Variants in SMG5 observed in about 807,000 individuals in gnomAD.
SMG5 encodes the protein SMG5 nonsense mediated mRNA decay factor.
SMG5 carries 53 observed loss-of-function variants against 122.9 expected under a neutral mutation model. That is an observed-to-expected ratio of 0.43 (90% CI 0.35 to 0.54). The LOEUF is 0.54. SMG5 is among the 20% of genes least tolerant of loss of function. The pLI, the probability that SMG5 is intolerant of heterozygous loss-of-function variation, is 0.01. For synonymous variants in SMG5, 477 were observed against 490.2 expected, an observed-to-expected ratio of 0.97 and a Z score of 0.35; for missense variants, 1,153 against 1,285.6, an observed-to-expected ratio of 0.90 and a Z score of 1.58.
At chr1:156,278,172 T>C in intron 2 of SMG5, 124 bp from the exon 3 acceptor site, 9 of 1,277,970 alleles carry the variant, frequency 7.0e-6, no homozygotes, top group Non-Finnish European at 9.6e-6. Flanking sequence ...CCAAGAGACA[T>C]GCAGGGTCAA....
intron 9 of SMG5, 29 bp downstream of exon 9, chr1:156,268,086 A>C: frequency 6.2e-7 from 1 of 1,610,538 alleles, no homozygotes; most frequent in African/African-American, 1.3e-5. Context: ...CTCACAGGAT[A>C]GTTCAGGTTC....
rs1166588286 is a variant in SMG5 at position 156,266,095 on chromosome 1, G to A, written c.1541C>T (p.Ser514Leu). 5 of 1,614,124 alleles carry A rather than the reference G, an allele frequency of 3.1e-6. No individual in the cohort carries two copies. The highest frequency in any genetic ancestry group is 2.2e-5 in the East Asian group (1 of 44,882). Reference protein sequence around the residue: ...GGTAFDAETDSEMNSQESRSD... With the variant: ...GGTAFDAETDLEMNSQESRSD... ...TCGGGACTCCTGGCTATTCATTTCC[G>A]AGTCTGTTTCAGCATCAAAGGCCGT... Residue 514 changes from serine (S) to leucine (L), a missense_variant, in exon 12 of 22, where the codon TCG (serine) becomes TTG (leucine). By Grantham distance (145) the Ser-to-Leu change is moderately radical. Transcript: ENST00000361813.
At position 156,266,320 on chromosome 1, in the gene SMG5, G is replaced by A. The variant is rs575799058; in HGVS notation, c.1316C>T (p.Pro439Leu). 7.8e-5 allele frequency: 126 copies of A among 1,614,206 alleles called. 1 individual carries two copies. The South Asian group carries it at 1.3e-3, about 17-fold the overall frequency. Residue 439 changes from proline (P) to leucine (L), a missense_variant, in exon 12 of 22, where the codon CCT (proline) becomes CTT (leucine). Pro to Leu is a moderately conservative substitution (Grantham distance 98). This residue lies in a region of SMG5 where 631 missense variants were observed against 650.6 expected (regional missense o/e 0.97). Coordinates refer to ENST00000361813, the MANE Select transcript of SMG5 (RefSeq NM_015327.3). ...KEEEPDPEPPPVTPQVGEGRK... is the reference protein window; with the variant it reads ...KEEEPDPEPPLVTPQVGEGRK... ...GCCCTCACCCACTTGGGGTGTTACA[G>A]GAGGAGGCTCAGGATCTGGCTCCTC...
chr1:156,278,829 T>A, intron 2 of SMG5, 107 bp downstream of exon 2: 2 of 866,800 alleles, frequency 2.3e-6, no homozygotes, highest in Non-Finnish European at 3.8e-6. Context: ...TAAGGTACCA[T>A]GAGGTCAGGA....
Position 156,282,798 on chromosome 1 carries a change from C to T in SMG5, c.-118G>A, listed in dbSNP as rs1290166709. On this transcript the variant is annotated 5_prime_UTR_variant, in exon 1 of 22. Coordinates refer to ENST00000361813, the MANE Select transcript of SMG5 (RefSeq NM_015327.3). ...CGCCGCCACCGGCCCTGCTCGGCCG[C>T]CATCGCTGTGAGGCGGCTGCCCGCG... The T allele has an allele frequency of 1.8e-5, 21 of 1,163,882 alleles. No individual in the cohort carries two copies. Among genetic ancestry groups the T allele is most frequent in the Non-Finnish European group, 2.5e-5 (21 of 854,174 alleles). 72.1% of individuals were successfully genotyped at this position (1,163,882 alleles called of 1,614,324 possible). A position where few individuals can be genotyped will look rare whatever the true frequency, so the allele number is the denominator to read the frequency against.
At chr1:156,253,299 G>C (rs1661434971) in intron 17 of SMG5, 150 bp downstream of exon 17, 2 of 911,328 alleles carry the variant, frequency 2.2e-6, no homozygotes, top group Admixed American at 2.1e-5. Flanking sequence ...TGAGTGAAGA[G>C]TGAGTAGTAA....
At chr1:156,251,158 G>T in intron 20 of SMG5, 162 bp from the exon 21 acceptor site, 1 of 1,008,654 alleles carries the variant, frequency 9.9e-7, no homozygotes, top group Non-Finnish European at 1.5e-6. Flanking sequence ...GCAGGCAAAG[G>T]TGCATTGAGG....
At chr1:156,272,777 C>T (rs990802692) in intron 6 of SMG5, among the ~76,000 whole-genome samples, 4 of 151,994 alleles carry the variant, frequency 2.6e-5, no homozygotes, top group Admixed American at 1.3e-4. Flanking sequence ...GAGGTTTCAC[C>T]GTGGTCTCAA....
chr1:156,291,508 G>A, the SMG5 span: 2 of 1,611,308 alleles, frequency 1.2e-6, no homozygotes, highest in Non-Finnish European at 1.7e-6. Context: ...TGGTGGAGCC[G>A]GAGCGCATGC....
At chr1:156,288,741 A>T in the SMG5 span, among the ~76,000 whole-genome samples, 279 of 152,350 alleles carry the variant, frequency 1.8e-3, 5 homozygotes, top group Middle Eastern at 6.8e-3. Context: ...ATTGTGGTCC[A>T]GCAGTCAGTT....
rs143598562 is a variant in SMG5, at chr1:156,272,844, G to A, written c.635-446C>T. Among the ~76,000 whole-genome samples the A allele has an allele frequency of 5.3e-4, 80 of 152,042 alleles. 1 individual carries two copies. The East Asian group carries it at 0.016, about 29-fold the overall frequency. ...CTCCCAAAGTGCTGGGATTACAAACGTTGAGCCACCGCGCCCGGCCTACTG... is the reference window on the plus strand; with the variant it reads ...CTCCCAAAGTGCTGGGATTACAAACATTGAGCCACCGCGCCCGGCCTACTG... On this transcript the variant is annotated intron_variant, in intron 6 of 21. Coordinates refer to ENST00000361813, the MANE Select transcript of SMG5 (RefSeq NM_015327.3).
At position 156,260,481 on chromosome 1, in the gene SMG5, C is replaced by T. The variant is rs35831149; in HGVS notation, c.2253G>A (p.Thr751=). ...CTAAGGTGCTGAGCAGGGGCCGATC[C>T]GTGTCAAAGTTAAAGCGTCTGTGGG... The part of the protein sequence containing the change: ...RAAHRRFNFD[T]DRPLLSTLEE... Residue 751 remains threonine (T), a synonymous_variant, in exon 15 of 22, where the codon ACG becomes ACA. Transcript: ENST00000361813. 11,852 of 1,594,524 alleles carry T rather than the reference C, an allele frequency of 7.4e-3. 63 individuals are homozygous for T. The highest frequency in any genetic ancestry group is 0.023 in the Middle Eastern group (137 of 6,004).
chr1:156,284,008 A>T (rs1663074251), upstream of SMG5, among the ~76,000 whole-genome samples: 1 of 152,244 alleles, frequency 6.6e-6, no homozygotes, highest in Non-Finnish European at 1.5e-5. Context: ...GTAAGTATTT[A>T]CTGAATGAAT....
chr1:156,256,308 CTCTTT>C (rs1255283011), intron 16 of SMG5, among the ~76,000 whole-genome samples: 3 of 102,444 alleles, frequency 2.9e-5, no homozygotes. Flanking sequence ...GCCATCTTCT[CTCTTT>C]TTTTTTTTTT....
Position 156,252,994 on chromosome 1 carries a change from C to A in SMG5, c.2587G>T (p.Ala863Ser). 6.2e-7 allele frequency: 1 copy of A among 1,613,234 alleles called. No individual in the cohort carries two copies. The highest frequency in any genetic ancestry group is 8.5e-7 in the Non-Finnish European group (1 of 1,179,776). The change falls in exon 18 of 22, where the codon GCC becomes TCC. Residue 863 changes from alanine (A) to serine (S), a missense_variant. By Grantham distance (99) the Ala-to-Ser change is moderately conservative. Coordinates refer to ENST00000361813, the MANE Select transcript of SMG5 (RefSeq NM_015327.3). ...MSPYLVPDTQ[A>S]LCHHLPVIRQ... is the part of the protein sequence containing the mutation. ...ATGACAGGGAGATGGTGGCAGAGGG[C>A]CTGGGTGTCAGGGACGAGGTAGGGA...
chr1:156,285,479 A>T, upstream of SMG5: 1 of 1,614,134 alleles, frequency 6.2e-7, no homozygotes, highest in Non-Finnish European at 8.5e-7. Context: ...CCCTCAGCCC[A>T]GTGCTCCGTT....
intron 7 of SMG5, among the ~76,000 whole-genome samples, chr1:156,271,138 C>T (rs1485789484): frequency 1.3e-5 from 2 of 152,012 alleles, no homozygotes; most frequent in Non-Finnish European, 2.9e-5. Context: ...ATGAGAGGGA[C>T]CCTCAACAAG....
At position 156,282,662 on chromosome 1, in the gene SMG5, T is replaced by TG. The variant is rs767300459; in HGVS notation, c.18dup (p.Thr7HisfsTer15). 1.9e-5 allele frequency: 30 copies of TG among 1,605,990 alleles called. No homozygotes were observed. Among genetic ancestry groups the TG allele is most frequent in the Admixed American group, 1.7e-5 (1 of 59,884 alleles). On this transcript the variant is annotated frameshift_variant, in exon 1 of 22. Transcript: ENST00000361813. LOFTEE classifies it high-confidence loss of function. ...GCTTCGGGCTCGCTGCTCTCCCCTG[T>TG]GGGGGGGCCTTGGCTCATGGTGCCC... is the stretch of plus-strand genomic sequence containing the variant.
Position 156,272,419 on chromosome 1 carries a change from T to C in SMG5, c.635-21A>G, listed in dbSNP as rs201315027. On this transcript the variant is annotated intron_variant, in intron 6 of 21. Coordinates refer to ENST00000361813, the MANE Select transcript of SMG5 (RefSeq NM_015327.3). The stretch of plus-strand genomic sequence containing the variant: ...CATTCCTAGGGAGAAAGAGAATTCA[T>C]GCAGTCTAAGGCCACAATACTCATT... 6.9e-6 allele frequency: 11 copies of C among 1,586,620 alleles called. No homozygotes were observed. In the African/African-American group the frequency reaches 9.4e-5, roughly 14 times the overall value.
Sources: allele counts gnomAD v4.1 joint callset (sites outside exome capture counted in the v4.1 genomes callset), GRCh38; gene constraint gnomAD v4.1.1; regional missense constraint gnomAD v4.1.1; transcripts MANE v1.5; gene names NCBI Gene and HGNC (gene_info 2026-07-23, HGNC 2026-07-21).